Variants in CADM1 observed in about 807,000 individuals in gnomAD.
CADM1 encodes the protein TSLC-1.
CADM1 carries 15 observed loss-of-function variants against 53.1 expected under a neutral mutation model. The ratio of observed to expected loss-of-function variants is 0.28; its 90% CI spans 0.19 to 0.44. The LOEUF is 0.44. Ranked by LOEUF, CADM1 falls within the 20% of genes least tolerant of loss-of-function variation. The pLI, the probability that CADM1 is intolerant of heterozygous loss-of-function variation, is 1.00. For synonymous variants in CADM1, 281 were observed against 243.0 expected, an observed-to-expected ratio of 1.16 and a Z score of -1.45; for missense variants, 434 against 611.3, an observed-to-expected ratio of 0.71 and a Z score of 3.06.
chr11:115,413,641 G>GTTTTTTTTTTTTTTT (rs1215267771), intron 1 of CADM1, among the ~76,000 whole-genome samples: 9 of 94,192 alleles, frequency 9.6e-5, no homozygotes, highest in South Asian at 3.0e-4. Context: ...CTCCAGCTCA[G>GTTTTTTTTTTTTTTT]TTCTTTTTTT....
chr11:115,456,164 C>T (rs1007043269), intron 1 of CADM1, among the ~76,000 whole-genome samples: 1 of 152,094 alleles, frequency 6.6e-6, no homozygotes, highest in South Asian at 2.1e-4. Flanking sequence ...AAAGATAATA[C>T]ACCCAAAGAT....
At chr11:115,270,527 T>C (rs1189643742) in intron 1 of CADM1, among the ~76,000 whole-genome samples, 1 of 152,224 alleles carries the variant, frequency 6.6e-6, no homozygotes, top group Admixed American at 6.5e-5. Context: ...TTTGCTTTAT[T>C]GGTGAAAACC....
intron 1 of CADM1, among the ~76,000 whole-genome samples, chr11:115,276,672 CTTAT>C (rs1943454713): frequency 6.6e-6 from 1 of 152,124 alleles, no homozygotes; most frequent in Non-Finnish European, 1.5e-5. Flanking sequence ...ATTAAGTTTC[CTTAT>C]TTGTCATGTA....
chr11:115,272,292 A>G (rs919628869), intron 1 of CADM1, among the ~76,000 whole-genome samples: 2 of 152,218 alleles, frequency 1.3e-5, no homozygotes, highest in Non-Finnish European at 2.9e-5. Flanking sequence ...CAAATTGTGC[A>G]TTCAAGTTCA....
intron 1 of CADM1, among the ~76,000 whole-genome samples, chr11:115,324,101 T>C (rs1052441616): frequency 2.6e-5 from 4 of 152,136 alleles, no homozygotes; most frequent in African/African-American, 9.7e-5. Context: ...CTTAACTCCT[T>C]TCAAGCCAAC....
chr11:115,388,324 A>G (rs991761642), intron 1 of CADM1, among the ~76,000 whole-genome samples: 1 of 152,094 alleles, frequency 6.6e-6, no homozygotes, highest in African/African-American at 2.4e-5. Flanking sequence ...CTGACTGGTA[A>G]AGGTTGATGA....
intron 10 of CADM1, 179 bp from the exon 11 acceptor site, chr11:115,178,954 G>A (rs771207736): frequency 5.8e-6 from 4 of 689,370 alleles, no homozygotes; most frequent in Admixed American, 2.1e-5. Context: ...GTGCTGAATC[G>A]ATCTGTTCTC....
chr11:115,375,326 C>T (rs1454504657), intron 1 of CADM1, among the ~76,000 whole-genome samples: 3 of 152,108 alleles, frequency 2.0e-5, no homozygotes, highest in South Asian at 2.1e-4. Flanking sequence ...TAGTTCAAAT[C>T]CTGGTTATCA....
intron 1 of CADM1, among the ~76,000 whole-genome samples, chr11:115,260,245 T>G (rs1195819262): frequency 6.6e-6 from 1 of 152,236 alleles, no homozygotes; most frequent in Non-Finnish European, 1.5e-5. Flanking sequence ...TTTGTTTTAA[T>G]GTGCTTAGAT....
At chr11:115,204,335 T>C (rs1054071362) in intron 8 of CADM1, among the ~76,000 whole-genome samples, 1 of 152,166 alleles carries the variant, frequency 6.6e-6, no homozygotes, top group Admixed American at 6.5e-5. Flanking sequence ...TGCGGCACCT[T>C]CTGCCTGTGC....
intron 1 of CADM1, among the ~76,000 whole-genome samples, chr11:115,458,300 C>T (rs534912157): frequency 7.9e-5 from 12 of 152,266 alleles, no homozygotes; most frequent in Non-Finnish European, 1.3e-4. Context: ...GAGATCATCA[C>T]ATCCCAGCTT....
chr11:115,362,648 G>A (rs1591747756), intron 1 of CADM1, among the ~76,000 whole-genome samples: 2 of 152,050 alleles, frequency 1.3e-5, no homozygotes, highest in Non-Finnish European at 1.5e-5. Flanking sequence ...CTTCCATATC[G>A]AGGCAGATCT....
rs2134567621 is a variant in CADM1 at position 115,175,285 on chromosome 11, G to C, written c.*1189C>G. 1 of 984,156 alleles carries C rather than the reference G, an allele frequency of 1.0e-6. No individual in the cohort carries two copies. Among genetic ancestry groups the C allele is most frequent in the Middle Eastern group, 5.2e-4 (1 of 1,914 alleles). The allele number at this position is 984,156 out of a possible 1,614,324, so 61.0% of individuals were successfully genotyped here. A position where few individuals can be genotyped will look rare whatever the true frequency, so the allele number is the denominator to read the frequency against. On this transcript the variant is annotated 3_prime_UTR_variant, in exon 12 of 12. Coordinates refer to ENST00000331581, the MANE Select transcript of CADM1 (RefSeq NM_001301043.2). ...TCTGAAGGAATGAAAGTTTCACACA[G>C]ATTCGAGTTGGAAATCCCAGCATGA...
chr11:115,278,870 T>C (rs764034390), intron 1 of CADM1, among the ~76,000 whole-genome samples: 82 of 152,024 alleles, frequency 5.4e-4, no homozygotes, highest in Admixed American at 8.5e-4. Flanking sequence ...CACAAAATGG[T>C]GGTGAGAGAG....
intron 10 of CADM1, among the ~76,000 whole-genome samples, chr11:115,186,578 G>C (rs939825931): frequency 6.6e-6 from 1 of 152,146 alleles, no homozygotes; most frequent in South Asian, 2.1e-4. Context: ...CCCATGCTTC[G>C]CTTCTCACTG....
chr11:115,434,033 C>T (rs1948121569), intron 1 of CADM1, among the ~76,000 whole-genome samples: 1 of 152,120 alleles, frequency 6.6e-6, no homozygotes, highest in Non-Finnish European at 1.5e-5. Context: ...AAATGATTGG[C>T]AGTAAGTCAA....
chr11:115,206,755 C>CTTTTTTTTTT (rs1194703150), intron 8 of CADM1, among the ~76,000 whole-genome samples: 1 of 5,442 alleles, frequency 1.8e-4, no homozygotes, highest in African/African-American at 3.7e-4. Flanking sequence ...TGACTGTGGA[C>CTTTTTTTTTT]TTCTTTTTTT....
chr11:115,182,642 C>T (rs1939364958), intron 10 of CADM1, among the ~76,000 whole-genome samples: 1 of 152,182 alleles, frequency 6.6e-6, no homozygotes, highest in South Asian at 2.1e-4. Context: ...CCCTTCACTC[C>T]TCCTCAGAGG....
chr11:115,252,808 T>G (rs186462862), intron 1 of CADM1, among the ~76,000 whole-genome samples: 197 of 152,254 alleles, frequency 1.3e-3, no homozygotes, highest in Non-Finnish European at 2.2e-3. Context: ...TTCACAAAAG[T>G]CAGCTTTCCA....
Sources: allele counts gnomAD v4.1 joint callset (sites outside exome capture counted in the v4.1 genomes callset), GRCh38; gene constraint gnomAD v4.1.1; transcripts MANE v1.5; gene names NCBI Gene and HGNC (gene_info 2026-07-23, HGNC 2026-07-21).